TCF4: variants seen among roughly 807,000 people sequenced by gnomAD.
TCF4 encodes the protein SL3-3 enhancer factor 2.
Under a neutral mutation model 82.1 loss-of-function variants are expected in TCF4, and 3 were observed. That is an observed-to-expected ratio of 0.04 (90% confidence interval 0.02 to 0.09). TCF4 has a LOEUF of 0.09. Ranked by LOEUF, TCF4 falls within the 10% of genes least tolerant of loss-of-function variation. TCF4 has a pLI of 1.00. For synonymous variants in TCF4, 276 were observed against 309.6 expected, an observed-to-expected ratio of 0.89 and a Z score of 1.14; for missense variants, 518 against 852.7, an observed-to-expected ratio of 0.61 and a Z score of 4.89.
intron 3 of TCF4, among the ~76,000 whole-genome samples, chr18:55,581,853 C>T (rs1393121233): frequency 6.6e-6 from 1 of 152,112 alleles, no homozygotes; most frequent in Non-Finnish European, 1.5e-5. Context: ...TGTTCAAACA[C>T]TCGTTCATTT....
intron 5 of TCF4, among the ~76,000 whole-genome samples, chr18:55,453,402 G>A (rs1041884880): frequency 9.2e-5 from 14 of 152,262 alleles, no homozygotes; most frequent in African/African-American, 1.7e-4. Flanking sequence ...CCATTACTTC[G>A]AAGCAAAAGC....
chr18:55,341,515 A>G (rs73960236), intron 8 of TCF4, among the ~76,000 whole-genome samples: 2,484 of 152,260 alleles, frequency 0.016, 72 homozygotes, highest in African/African-American at 0.056. Context: ...GTAGACAGAG[A>G]AGCAGGTTTG....
At chr18:55,550,213 A>G (rs1054452035) in intron 3 of TCF4, 1 of 152,244 alleles carries the variant, frequency 6.6e-6, no homozygotes, top group African/African-American at 2.4e-5. Flanking sequence ...CAAGTGCTGC[A>G]AGCAAAAAAC....
chr18:55,555,758 A>G (rs903468592), intron 3 of TCF4, among the ~76,000 whole-genome samples: 3 of 152,196 alleles, frequency 2.0e-5, no homozygotes, highest in Non-Finnish European at 4.4e-5. Flanking sequence ...TCTTTTAGTA[A>G]CTGCATTAGA....
chr18:55,545,093 ACT>A (rs1158342849), intron 3 of TCF4, among the ~76,000 whole-genome samples: 1 of 152,018 alleles, frequency 6.6e-6, no homozygotes, highest in Non-Finnish European at 1.5e-5. Flanking sequence ...CCAAATAAAA[ACT>A]CTAGGACTTT....
chr18:55,232,206 C>T (rs975347366), intron 17 of TCF4: 1 of 312,184 alleles, frequency 3.2e-6, no homozygotes, highest in Non-Finnish European at 6.0e-6. Flanking sequence ...CACAACATTT[C>T]TGACCAAATT....
intron 5 of TCF4, among the ~76,000 whole-genome samples, chr18:55,440,039 G>A (rs1376536392): frequency 1.3e-5 from 2 of 152,056 alleles, no homozygotes; most frequent in Non-Finnish European, 2.9e-5. Context: ...CTTACTGTGT[G>A]TCTATTCTTA....
chr18:55,349,781 A>G (rs1392055013), intron 8 of TCF4, among the ~76,000 whole-genome samples: 1 of 152,130 alleles, frequency 6.6e-6, no homozygotes, highest in Non-Finnish European at 1.5e-5. Context: ...CAACTTCTGC[A>G]TAGAGCTCCA....
At chr18:55,382,991 G>T (rs751052764) in intron 6 of TCF4, among the ~76,000 whole-genome samples, 1 of 152,220 alleles carries the variant, frequency 6.6e-6, no homozygotes, top group Non-Finnish European at 1.5e-5. Flanking sequence ...ATTTGAGTTA[G>T]GACAAGAACT....
At chr18:55,530,566 G>GT (rs890046915) in intron 3 of TCF4, among the ~76,000 whole-genome samples, 1 of 148,474 alleles carries the variant, frequency 6.7e-6, no homozygotes, top group Non-Finnish European at 1.5e-5. Flanking sequence ...TGAAAAGGGG[G>GT]GGGGAAACAG....
chr18:55,596,123 A>G (rs764121476), intron 2 of TCF4: 1 of 437,448 alleles, frequency 2.3e-6, no homozygotes, highest in South Asian at 1.6e-5. Context: ...CCGGGTACTC[A>G]GGAGGCTGAG....
intron 8 of TCF4, among the ~76,000 whole-genome samples, chr18:55,348,807 C>T (rs1603274035): frequency 6.6e-6 from 1 of 152,048 alleles, no homozygotes; most frequent in Admixed American, 6.6e-5. Flanking sequence ...GGTATGATAG[C>T]TTTAAGTTTT....
At chr18:55,400,617 C>T (rs2093759305) in intron 6 of TCF4, among the ~76,000 whole-genome samples, 1 of 151,978 alleles carries the variant, frequency 6.6e-6, no homozygotes, top group Admixed American at 6.6e-5. Flanking sequence ...TAAAATATAT[C>T]CATTTAAAAA....
At chr18:55,555,677 C>T (rs375185128) in intron 3 of TCF4, among the ~76,000 whole-genome samples, 65 of 152,250 alleles carry the variant, frequency 4.3e-4, no homozygotes, top group African/African-American at 1.5e-3. Context: ...GAATTAAAGC[C>T]ATAAAACTCT....
intron 2 of TCF4, among the ~76,000 whole-genome samples, chr18:55,606,667 GCAAAA>G (rs1207279064): frequency 2.6e-5 from 4 of 151,812 alleles, no homozygotes; most frequent in Non-Finnish European, 5.9e-5. Context: ...ATTTTTCCAG[GCAAAA>G]CAAAACAAAA....
chr18:55,589,989 G>T, upstream of TCF4: 1 of 223,062 alleles, frequency 4.5e-6, no homozygotes, highest in Non-Finnish European at 7.6e-6. Flanking sequence ...GGCGTCGCGC[G>T]TGGGGCGGCA....
At chr18:55,550,555 C>T (rs1418264643) in intron 3 of TCF4, 1 of 152,098 alleles carries the variant, frequency 6.6e-6, no homozygotes, top group African/African-American at 2.4e-5. Context: ...ATTACACTGG[C>T]CAGAAATTTG....
intron 5 of TCF4, among the ~76,000 whole-genome samples, chr18:55,460,184 T>C (rs2095846266): frequency 6.6e-6 from 1 of 152,154 alleles, no homozygotes; most frequent in Non-Finnish European, 1.5e-5. Context: ...TATTGACAGA[T>C]TCTCAAGAGA....
At chr18:55,410,967 G>A (rs1172492802) in intron 5 of TCF4, among the ~76,000 whole-genome samples, 4 of 152,100 alleles carry the variant, frequency 2.6e-5, no homozygotes, top group Admixed American at 2.6e-4. Context: ...CCCCTCACTT[G>A]GCATCCTGCT....
Sources: allele counts gnomAD v4.1 joint callset (sites outside exome capture counted in the v4.1 genomes callset), GRCh38; gene constraint gnomAD v4.1.1; transcripts MANE v1.5; gene names NCBI Gene and HGNC (gene_info 2026-07-23, HGNC 2026-07-21).